MPP7: variants seen among roughly 807,000 people sequenced by gnomAD.
The protein encoded by MPP7 is MAGUK p55 subfamily member 7.
Under a neutral mutation model 76.5 loss-of-function variants are expected in MPP7, and 60 were observed. The observed-to-expected ratio is 0.78, with a 90% confidence interval of 0.64 to 0.97. The LOEUF (loss-of-function observed/expected upper bound fraction) is 0.97. MPP7 is among the 50% of genes least tolerant of loss of function. The pLI, the probability that MPP7 is intolerant of heterozygous loss-of-function variation, is 0.00. For missense variants in MPP7, 641 were observed against 694.0 expected (o/e 0.92, Z 0.86); for synonymous variants, 237 against 244.5 (o/e 0.97, Z 0.29).
At chr10:28,323,707 TAA>T (rs1834387013) in intron 2 of MPP7, among the ~76,000 whole-genome samples, 2 of 151,284 alleles carry the variant, frequency 1.3e-5, no homozygotes, top group African/African-American at 4.9e-5. Context: ...AATAAATAAA[TAA>T]ATAGAGAGAG....
At chr10:28,120,461 C>T in intron 9 of MPP7, 71 bp from the exon 10 acceptor site, 1 of 1,500,818 alleles carries the variant, frequency 6.7e-7, no homozygotes, top group Non-Finnish European at 9.2e-7. Flanking sequence ...ATTCTCCTAA[C>T]TCCGACTCCA....
intron 1 of MPP7, among the ~76,000 whole-genome samples, chr10:28,272,979 G>A (rs573843091): frequency 3.9e-5 from 6 of 152,148 alleles, no homozygotes; most frequent in African/African-American, 7.2e-5. Flanking sequence ...GTGTAGTGGC[G>A]CGATCTCAGC....
chr10:28,084,732 C>T (rs962195911), intron 12 of MPP7, among the ~76,000 whole-genome samples: 2 of 152,174 alleles, frequency 1.3e-5, no homozygotes, highest in African/African-American at 4.8e-5. Context: ...AAGTGGAAGA[C>T]TTATCCCAGG....
At chr10:28,270,379 GT>G (rs1043694044) in intron 1 of MPP7, among the ~76,000 whole-genome samples, 5 of 152,014 alleles carry the variant, frequency 3.3e-5, no homozygotes, top group Non-Finnish European at 7.4e-5. Context: ...TAAAACTATT[GT>G]TTTAATTGAA....
chr10:28,198,864 C>T (rs1305897580), intron 3 of MPP7, among the ~76,000 whole-genome samples: 1 of 152,106 alleles, frequency 6.6e-6, no homozygotes, highest in Non-Finnish European at 1.5e-5. Context: ...CTATGCCATT[C>T]CCTAGTTCAT....
At chr10:28,166,736 T>C (rs1197442535) in intron 3 of MPP7, among the ~76,000 whole-genome samples, 4 of 152,116 alleles carry the variant, frequency 2.6e-5, no homozygotes, top group Non-Finnish European at 2.9e-5. Context: ...AAAAATCTGG[T>C]CTTACAACTC....
At chr10:28,287,477 T>C (rs1226578667) in intron 1 of MPP7, among the ~76,000 whole-genome samples, 4 of 152,230 alleles carry the variant, frequency 2.6e-5, no homozygotes, top group Non-Finnish European at 5.9e-5. Flanking sequence ...TGAGTGAATG[T>C]TTCTCACTTT....
chr10:28,225,300 C>A (rs924273306), intron 2 of MPP7, among the ~76,000 whole-genome samples: 4 of 151,998 alleles, frequency 2.6e-5, no homozygotes, highest in Non-Finnish European at 4.4e-5. Flanking sequence ...AAAGCATCAA[C>A]AACATAAGAA....
intron 3 of MPP7, among the ~76,000 whole-genome samples, chr10:28,184,743 ATAAT>A (rs954637732): frequency 1.4e-5 from 2 of 147,910 alleles, no homozygotes; most frequent in Non-Finnish European, 1.5e-5. Flanking sequence ...ATATAGTAAT[ATAAT>A]TAATATATAT....
upstream of MPP7, among the ~76,000 whole-genome samples, chr10:28,308,042 T>TC (rs1388204891): frequency 6.6e-6 from 1 of 152,138 alleles, no homozygotes; most frequent in African/African-American, 2.4e-5. Context: ...CTCTAACACT[T>TC]CCCCTCGCTT....
At chr10:28,162,682 T>C (rs761722649) in intron 3 of MPP7, among the ~76,000 whole-genome samples, 2 of 152,168 alleles carry the variant, frequency 1.3e-5, no homozygotes, top group East Asian at 1.9e-4. Context: ...TCTCAGGACT[T>C]ACTTCCTGGT....
chr10:28,254,955 C>T (rs1386544949), intron 1 of MPP7: 1 of 152,132 alleles, frequency 6.6e-6, no homozygotes, highest in Non-Finnish European at 1.5e-5. Context: ...AAAATGATGA[C>T]ATAATGGTGG....
intron 12 of MPP7, among the ~76,000 whole-genome samples, chr10:28,086,877 G>T (rs1436359386): frequency 6.6e-6 from 1 of 152,112 alleles, no homozygotes; most frequent in Non-Finnish European, 1.5e-5. Context: ...ACAACCTAGG[G>T]ACTCTGAAAG....
intron 2 of MPP7, among the ~76,000 whole-genome samples, chr10:28,202,664 A>C (rs948934066): frequency 1.7e-4 from 26 of 152,200 alleles, no homozygotes; most frequent in Non-Finnish European, 1.3e-4. Flanking sequence ...CCTTAGAAGA[A>C]CAGAGAATTG....
chr10:28,154,317 T>G (rs1461189725), intron 3 of MPP7, among the ~76,000 whole-genome samples: 1 of 152,222 alleles, frequency 6.6e-6, no homozygotes, highest in East Asian at 1.9e-4. Context: ...GTAGCTATTC[T>G]GTGTGTGTAT....
intron 5 of MPP7, among the ~76,000 whole-genome samples, chr10:28,136,648 TGAGA>T (rs1835362868): frequency 1.3e-5 from 2 of 151,984 alleles, no homozygotes; most frequent in Non-Finnish European, 2.9e-5. Context: ...ACACTGAACA[TGAGA>T]AATAGAATAT....
intron 2 of MPP7, among the ~76,000 whole-genome samples, chr10:28,323,459 A>G (rs1317412021): frequency 2.0e-5 from 3 of 151,898 alleles, no homozygotes; most frequent in Middle Eastern, 3.2e-3. Context: ...TCTAGGAAAA[A>G]AAAAAAAAGA....
At chr10:28,135,031 T>C (rs1466815168) in intron 5 of MPP7, among the ~76,000 whole-genome samples, 4 of 152,120 alleles carry the variant, frequency 2.6e-5, no homozygotes, top group Admixed American at 1.3e-4. Flanking sequence ...TAAAGGATAA[T>C]GAAACCATAG....
Position 28,150,044 on chromosome 10 carries a change from G to A in MPP7, c.172C>T (p.His58Tyr). The stretch of plus-strand genomic sequence containing the variant: ...ACCGGACTCTGCTTCTCATAGTAGT[G>A]TAGTTTTTCATGAATCTGGAAGAAA... ...HSLVKIHEKL[H>Y]YYEKQSPVPI... Residue 58 changes from histidine (H) to tyrosine (Y), a missense_variant, in exon 4 of 17, where the codon CAC becomes TAC. His to Tyr is a moderately conservative substitution (Grantham distance 83, BLOSUM62 2). Transcript: ENST00000683449. 6.2e-7 allele frequency: 1 copy of A among 1,613,464 alleles called. No homozygotes were observed. The highest frequency in any genetic ancestry group is 1.3e-5 in the African/African-American group (1 of 75,040).
Sources: gnomAD v4.1 joint callset for allele counts (sites outside exome capture counted in the v4.1 genomes callset) on GRCh38, gnomAD v4.1.1 for gene constraint, MANE v1.5 for transcripts, NCBI Gene and HGNC (gene_info 2026-07-23, HGNC 2026-07-21) for gene names.